ABI3BP: variants seen among roughly 807,000 people sequenced by gnomAD.
ABI3BP encodes the protein target of Nesh-SH3.
Under a neutral mutation model 268.6 loss-of-function variants are expected in ABI3BP, and 216 were observed. That is an observed-to-expected ratio of 0.80 (90% CI 0.72 to 0.90). The LOEUF is 0.90. Among genes scored for constraint, ABI3BP ranks in the 40% least tolerant of loss-of-function variants. The probability of loss-of-function intolerance (pLI) is 0.00; values close to 1 mark genes in which losing one functional copy is unlikely to be tolerated. For synonymous variants in ABI3BP, 730 were observed against 730.0 expected (o/e 1.00, Z 0.00); for missense variants, 2,090 against 2,182.4 (o/e 0.96, Z 0.84).
chr3:100,914,276 A>G (rs554649148), intron 2 of ABI3BP, among the ~76,000 whole-genome samples: 1 of 152,326 alleles, frequency 6.6e-6, no homozygotes, highest in South Asian at 2.1e-4. Flanking sequence ...ACATTACAAG[A>G]TCTGTTGAAT....
At chr3:100,855,538 T>G (rs2098929735) in intron 14 of ABI3BP, among the ~76,000 whole-genome samples, 1 of 152,240 alleles carries the variant, frequency 6.6e-6, no homozygotes, top group Non-Finnish European at 1.5e-5. Context: ...TCAGCAGAAT[T>G]AATCTGCAAG....
rs1004438458 is a variant in ABI3BP, at chr3:100,993,202, C to T, written c.79+104G>A. On this transcript the variant is annotated intron_variant, in intron 1 of 67. Coordinates refer to ENST00000471714, the MANE Select transcript of ABI3BP (RefSeq NM_001375547.2). ...TGAACTTTGAATCTCTGCAGAATAA[C>T]TCTATTCCCCCCGTATGGTAAAGCA... The T allele has an allele frequency of 2.0e-5, 16 of 808,418 alleles. No individual in the cohort carries two copies. The African/African-American group carries it at 2.3e-4, about 11-fold the overall frequency. The allele number at this position is 808,418 out of a possible 1,614,324, so 50.1% of individuals were successfully genotyped here. A position where few individuals can be genotyped will look rare whatever the true frequency, so the allele number is the denominator to read the frequency against.
At position 100,749,539 on chromosome 3, in the gene ABI3BP, A is replaced by T; in HGVS notation, c.*956T>A. On this transcript the variant is annotated 3_prime_UTR_variant, in exon 68 of 68. Coordinates refer to ENST00000471714, the MANE Select transcript of ABI3BP (RefSeq NM_001375547.2). ...AGAAATAAATGAGTTAGTTAGTTAG[A>T]TTTTTATTACAGATTGAATTAAACA... The T allele has an allele frequency of 2.6e-6, 1 of 389,064 alleles. No homozygotes were observed. The highest frequency in any genetic ancestry group is 3.6e-5 in the East Asian group (1 of 27,604). 24.1% of individuals were successfully genotyped at this position (389,064 alleles called of 1,614,324 possible). A position where few individuals can be genotyped will look rare whatever the true frequency, so the allele number is the denominator to read the frequency against.
intron 20 of ABI3BP, chr3:100,843,690 G>A (rs1367224044): frequency 1.0e-6 from 1 of 984,310 alleles, no homozygotes; most frequent in Non-Finnish European, 1.2e-6. Flanking sequence ...ATAGGTCTAA[G>A]TACCTCAGAT....
chr3:100,797,390 A>C (rs911421653), intron 51 of ABI3BP, among the ~76,000 whole-genome samples: 4 of 152,038 alleles, frequency 2.6e-5, no homozygotes, highest in African/African-American at 9.7e-5. Flanking sequence ...GTTTCCCCAC[A>C]AACCTACCCA....
chr3:100,899,366 C>G (rs1007536762), intron 3 of ABI3BP, among the ~76,000 whole-genome samples: 1 of 152,110 alleles, frequency 6.6e-6, no homozygotes, highest in African/African-American at 2.4e-5. Context: ...ACCTTATTAT[C>G]TAGATTGTAG....
chr3:100,755,850 T>C (rs571318908), intron 63 of ABI3BP, among the ~76,000 whole-genome samples: 3 of 152,330 alleles, frequency 2.0e-5, no homozygotes, highest in African/African-American at 4.8e-5. Context: ...TTTTGGGAGA[T>C]AAATTTCGTC....
chr3:100,755,866 G>GA (rs2095588630), intron 63 of ABI3BP, among the ~76,000 whole-genome samples: 1 of 152,122 alleles, frequency 6.6e-6, no homozygotes, highest in Non-Finnish European at 1.5e-5. Flanking sequence ...TCGTCTTTGA[G>GA]AAGTTTATAA....
chr3:100,966,224 G>T (rs187894537), intron 1 of ABI3BP, among the ~76,000 whole-genome samples: 1 of 152,196 alleles, frequency 6.6e-6, no homozygotes, highest in Non-Finnish European at 1.5e-5. Flanking sequence ...ATGAATACAG[G>T]CAAGAGCTCT....
intron 14 of ABI3BP, among the ~76,000 whole-genome samples, chr3:100,854,919 T>G (rs1560867017): frequency 7.0e-6 from 1 of 142,766 alleles, no homozygotes; most frequent in Admixed American, 6.9e-5. Context: ...AAAACTACTT[T>G]GTTAAATCAT....
At chr3:100,914,729 G>T (rs77577600) in intron 2 of ABI3BP, among the ~76,000 whole-genome samples, 45 of 152,160 alleles carry the variant, frequency 3.0e-4, no homozygotes, top group Non-Finnish European at 5.4e-4. Context: ...AACGTTAAAG[G>T]GGGGAAAGAG....
At chr3:100,924,213 G>A (rs2061141585) in intron 2 of ABI3BP, among the ~76,000 whole-genome samples, 1 of 152,024 alleles carries the variant, frequency 6.6e-6, no homozygotes, top group Admixed American at 6.6e-5. Flanking sequence ...AAAAAGAGAA[G>A]GTAGAGAGGA....
At chr3:100,792,563 A>C (rs1577887321) in intron 55 of ABI3BP, 128 bp downstream of exon 55, 2 of 887,358 alleles carry the variant, frequency 2.3e-6, no homozygotes, top group East Asian at 2.7e-5. Flanking sequence ...GATTTCTTTC[A>C]CCTATAAAAT....
chr3:100,787,737 C>T lies in ABI3BP; in HGVS notation c.4153G>A (p.Val1385Met). The T allele has an allele frequency of 6.5e-7, 1 of 1,531,612 alleles. No homozygotes were observed. The highest frequency in any genetic ancestry group is 1.4e-5 in the African/African-American group (1 of 72,914). The allele number at this position is 1,531,612 out of a possible 1,614,324, so 94.9% of individuals were successfully genotyped here. The change falls in exon 57 of 68, where the codon GTG becomes ATG. Residue 1385 changes from valine (V) to methionine (M), a missense_variant. Transcript: ENST00000471714. The stretch of plus-strand genomic sequence containing the variant: ...CATTTGTGATTATTACCTGTTCCCA[C>T]TCCATTCCCACTGGGCATCCCACTG... ...KPSGMPSGNG[V>M]GTGVKQAPRP...
intron 62 of ABI3BP, among the ~76,000 whole-genome samples, chr3:100,769,868 C>T (rs917518565): frequency 6.6e-6 from 1 of 152,170 alleles, no homozygotes; most frequent in Non-Finnish European, 1.5e-5. Context: ...TAAGATAAGC[C>T]GCTTACACTG....
At chr3:100,986,658 G>T (rs922008348) in intron 1 of ABI3BP, among the ~76,000 whole-genome samples, 1 of 152,124 alleles carries the variant, frequency 6.6e-6, no homozygotes. Flanking sequence ...GTGGAGATGG[G>T]GTTTCACCGT....
chr3:100,794,838 C>G, intron 54 of ABI3BP, 85 bp downstream of exon 54: 2 of 968,342 alleles, frequency 2.1e-6, no homozygotes, highest in South Asian at 3.0e-5. Flanking sequence ...TAGAAAAAAT[C>G]TGTGAACATA....
chr3:100,933,822 G>C (rs1020028574), intron 1 of ABI3BP, among the ~76,000 whole-genome samples: 2 of 151,848 alleles, frequency 1.3e-5, no homozygotes, highest in East Asian at 3.9e-4. Context: ...GATATTGTCT[G>C]TAACGGGTCA....
chr3:100,767,155 G>A (rs1358479063), intron 62 of ABI3BP, among the ~76,000 whole-genome samples: 1 of 152,204 alleles, frequency 6.6e-6, no homozygotes, highest in Admixed American at 6.5e-5. Context: ...GCCCAGGCTG[G>A]TATTGAACTT....
Sources: gnomAD v4.1 joint callset for allele counts (sites outside exome capture counted in the v4.1 genomes callset) on GRCh38, gnomAD v4.1.1 for gene constraint, MANE v1.5 for transcripts, NCBI Gene and HGNC (gene_info 2026-07-23, HGNC 2026-07-21) for gene names.